TPTE2: variants seen among roughly 807,000 people sequenced by gnomAD.
The protein encoded by TPTE2 is transmembrane phosphoinositide 3-phosphatase and tensin homolog 2, also known as phosphatidylinositol 3,4,5-trisphosphate 3-phosphatase TPTE2.
A neutral mutation model predicts 78.6 loss-of-function variants in TPTE2; 53 were observed. The observed-to-expected ratio is 0.67, with a 90% CI of 0.54 to 0.85. The LOEUF is 0.85. Ranked by LOEUF, TPTE2 falls within the 40% of genes least tolerant of loss-of-function variation. The pLI, the probability that TPTE2 is intolerant of heterozygous loss-of-function variation, is 0.00. For missense variants in TPTE2, 461 were observed against 623.0 expected (o/e 0.74, Z 2.77); for synonymous variants, 175 against 206.2 (o/e 0.85, Z 1.30).
In TPTE2 at chr13:19,472,652, G is replaced by T. The variant is rs147966886; in HGVS notation, c.392+1262C>A. Among the ~76,000 whole-genome samples the T allele has an allele frequency of 2.1e-3, 325 of 152,224 alleles. 3 individuals carry two copies. The highest frequency in any genetic ancestry group is 0.016 in the South Asian group (76 of 4,828). On this transcript the variant is annotated intron_variant, in intron 6 of 19. Transcript: ENST00000400230. ...AGGTCACATATATCTGTTTCTACAG[G>T]ATTGGCTCCTGGTGTCTTATTTAGT...
At chr13:19,554,486 T>C in the TPTE2 span, among the ~76,000 whole-genome samples, 1 of 151,408 alleles carries the variant, frequency 6.6e-6, no homozygotes. Flanking sequence ...TATCCCATTT[T>C]ATATATATAT....
chr13:19,485,501 A>C (rs1381164194), intron 3 of TPTE2, among the ~76,000 whole-genome samples: 1 of 152,056 alleles, frequency 6.6e-6, no homozygotes, highest in African/African-American at 2.4e-5. Flanking sequence ...GATTTTTCAC[A>C]ATTTGACTAT....
chr13:19,535,676 G>A lies in TPTE2; in HGVS notation c.-44+920C>T, dbSNP rs1424420858. On this transcript the variant is annotated intron_variant, in intron 1 of 17. Transcript: ENST00000390680. This position sits in a 1 kb window ranked among gnomAD's most constrained non-coding sequence, Gnocchi z 5.1. ...GAGACGGAGTCTCACTCTGTCACCA[G>A]GCTGGAGTGCAATGGTGTGACCTCA... Among the ~76,000 whole-genome samples the A allele has an allele frequency of 1.4e-5, 2 of 146,842 alleles. No homozygotes were observed. Among genetic ancestry groups the A allele is most frequent in the African/African-American group, 5.0e-5 (2 of 40,076 alleles).
intron 13 of TPTE2, chr13:19,438,515 A>C: frequency 1.2e-6 from 1 of 814,440 alleles, no homozygotes; most frequent in Non-Finnish European, 1.5e-6. Context: ...AACTGATTCC[A>C]AAATTGCACA....
At chr13:19,460,688 A>G (rs1878832513) in intron 10 of TPTE2, among the ~76,000 whole-genome samples, 1 of 152,168 alleles carries the variant, frequency 6.6e-6, no homozygotes, top group African/African-American at 2.4e-5. Context: ...CCTGTTCAGA[A>G]CTGAGCTAAC....
At chr13:19,440,063 C>A (rs1877389369) in intron 13 of TPTE2, among the ~76,000 whole-genome samples, 1 of 152,176 alleles carries the variant, frequency 6.6e-6, no homozygotes, top group African/African-American at 2.4e-5. Context: ...TTTCTTGAAT[C>A]TTGCTAGATA....
intron 4 of TPTE2, among the ~76,000 whole-genome samples, chr13:19,478,446 C>A (rs1354670056): frequency 6.6e-6 from 1 of 152,190 alleles, no homozygotes; most frequent in African/African-American, 2.4e-5. Context: ...AAATGCAAAT[C>A]AAAACCACAA....
chr13:19,539,323 A>C (rs1871371918), upstream of TPTE2, among the ~76,000 whole-genome samples: 2 of 152,222 alleles, frequency 1.3e-5, no homozygotes, highest in Admixed American at 1.3e-4. Flanking sequence ...GATGGGAGGT[A>C]ACTGAATCAT....
intron 10 of TPTE2, among the ~76,000 whole-genome samples, chr13:19,463,039 A>AGT (rs1335067401): frequency 1.3e-5 from 2 of 151,478 alleles, no homozygotes; most frequent in African/African-American, 4.9e-5. Context: ...GCTGGAGTGC[A>AGT]GTGGCACAAT....
In TPTE2 at chr13:19,472,340, A is replaced by G. The variant is rs551920669; in HGVS notation, c.392+1574T>C. 2.0e-5 allele frequency among the ~76,000 whole-genome samples: 3 copies of G among 152,174 alleles called. No homozygotes were observed. In the East Asian group the frequency reaches 5.8e-4, roughly 29 times the overall value. ...TATTTTCTAGATCCTGTAGGCATGC[A>G]TCATTGTTTTTTATTCTTTCCTTTG... On this transcript the variant is annotated intron_variant, in intron 6 of 19. Coordinates refer to ENST00000400230, the Ensembl canonical transcript of TPTE2.
chr13:19,501,398 A>G (rs1593403241), intron 1 of TPTE2, among the ~76,000 whole-genome samples: 1 of 129,742 alleles, frequency 7.7e-6, no homozygotes, highest in African/African-American at 2.9e-5. Context: ...CTGACTTCAA[A>G]CTATACTACA....
chr13:19,430,946 G>A (rs1308264543), intron 16 of TPTE2, among the ~76,000 whole-genome samples: 3 of 152,024 alleles, frequency 2.0e-5, no homozygotes, highest in Non-Finnish European at 4.4e-5. Flanking sequence ...GGCCAAGATG[G>A]TGAAACCCCA....
At chr13:19,497,656 C>T (rs1462148680) in intron 1 of TPTE2, among the ~76,000 whole-genome samples, 2 of 140,496 alleles carry the variant, frequency 1.4e-5, no homozygotes, top group African/African-American at 5.0e-5. Context: ...CTGTACATCA[C>T]CATGATCAAA....
At chr13:19,451,808 AGTGT>A (rs201672341) in intron 10 of TPTE2, among the ~76,000 whole-genome samples, 10,309 of 134,840 alleles carry the variant, frequency 0.076, 405 homozygotes, top group African/African-American at 0.11. Flanking sequence ...TGTACCTATA[AGTGT>A]GTGTGTGTGT....
chr13:19,489,108 G>A (rs1041738260), intron 3 of TPTE2, among the ~76,000 whole-genome samples: 1 of 152,166 alleles, frequency 6.6e-6, no homozygotes, highest in Non-Finnish European at 1.5e-5. Flanking sequence ...ACATGTCATT[G>A]ATTAGGCTTG....
intron 13 of TPTE2, among the ~76,000 whole-genome samples, chr13:19,448,618 A>C (rs1877983768): frequency 6.6e-6 from 1 of 152,200 alleles, no homozygotes; most frequent in African/African-American, 2.4e-5. Context: ...ACAAAGAGAT[A>C]TCCTCACACC....
At chr13:19,506,131 T>C (rs1736742216), upstream of TPTE2, among the ~76,000 whole-genome samples, 1 of 144,810 alleles carries the variant, frequency 6.9e-6, no homozygotes, top group African/African-American at 2.5e-5. Context: ...TGTGTATATA[T>C]GTATATATAC....
At chr13:19,425,601 G>A (rs1239286748) in intron 18 of TPTE2, 10 of 373,520 alleles carry the variant, frequency 2.7e-5, no homozygotes, top group East Asian at 2.1e-4. Context: ...CAGGGACCAT[G>A]TGGATATATC....
intron 13 of TPTE2, among the ~76,000 whole-genome samples, chr13:19,445,897 T>A (rs1238270306): frequency 6.6e-6 from 1 of 152,208 alleles, no homozygotes; most frequent in Admixed American, 6.5e-5. Flanking sequence ...ACTGAGATCA[T>A]GTCACTGCAC....
Sources: gnomAD v4.1 joint callset for allele counts (sites outside exome capture counted in the v4.1 genomes callset) on GRCh38, gnomAD v4.1.1 for gene constraint, Gnocchi (gnomAD v3.1) non-coding constraint, MANE v1.5 for transcripts, NCBI Gene and HGNC (gene_info 2026-07-23, HGNC 2026-07-21) for gene names.